The following ZNF451 variants were observed in gnomAD, a reference collection of about 807,000 sequenced individuals.
ZNF451 encodes zinc finger protein 451, also known as E3 SUMO-protein ligase ZNF451.
In ZNF451, 80 loss-of-function variants were observed where a neutral mutation model predicts 107.1. The ratio of observed to expected loss-of-function variants is 0.75; its 90% CI spans 0.62 to 0.90. The LOEUF is 0.90. Among genes scored for constraint, ZNF451 ranks in the 40% least tolerant of loss-of-function variants. The pLI is 0.00. For synonymous variants in ZNF451, 362 were observed against 406.5 expected (o/e 0.89, Z 1.32); for missense variants, 1,107 against 1,236.2 (o/e 0.90, Z 1.57).
At chr6:57,106,890 A>G in intron 3 of ZNF451, 1 of 955,838 alleles carries the variant, frequency 1.0e-6, no homozygotes, top group Non-Finnish European at 1.2e-6. Context: ...TATTGAATGC[A>G]AATCTTTTTA....
At chr6:57,103,478 T>C in intron 3 of ZNF451, 1 of 985,438 alleles carries the variant, frequency 1.0e-6, no homozygotes, top group Non-Finnish European at 1.2e-6. Context: ...AGCAGATACC[T>C]CAATTATATG....
intron 2 of ZNF451, among the ~76,000 whole-genome samples, chr6:57,095,476 G>A (rs1318934963): frequency 6.6e-6 from 1 of 151,620 alleles, no homozygotes; most frequent in Non-Finnish European, 1.5e-5. Context: ...GGGACTACAG[G>A]CACGCACTAC....
At chr6:57,157,001 C>T (rs895562527) in intron 13 of ZNF451, among the ~76,000 whole-genome samples, 1 of 152,206 alleles carries the variant, frequency 6.6e-6, no homozygotes, top group African/African-American at 2.4e-5. Context: ...CAGTTCTTAA[C>T]AGGCCACAGA....
chr6:57,163,512 G>A (rs866532075), intron 14 of ZNF451, among the ~76,000 whole-genome samples: 8 of 117,072 alleles, frequency 6.8e-5, no homozygotes, highest in South Asian at 5.7e-4. Flanking sequence ...GTGCAGTGGC[G>A]CGATCTCAGC....
intron 14 of ZNF451, among the ~76,000 whole-genome samples, chr6:57,163,436 C>CTTT (rs398001706): frequency 0.031 from 925 of 30,324 alleles, 313 homozygotes; most frequent in Middle Eastern, 0.083. Context: ...AATGAATAAA[C>CTTT]TTTTTTTTTT....
At chr6:57,120,172 A>AT (rs1385932843) in intron 3 of ZNF451, among the ~76,000 whole-genome samples, 1 of 152,200 alleles carries the variant, frequency 6.6e-6, no homozygotes, top group African/African-American at 2.4e-5. Flanking sequence ...GCCATACAGT[A>AT]TGCAGCCTTT....
rs1829820309 is a variant in ZNF451 at position 57,105,688 on chromosome 6, T to C, written c.186+6547T>C. ...GGCCTTAAGGCAGCTTTGTTTTCTA[T>C]AGATATGCTCTAGGTTTTCTGATTG... is the stretch of plus-strand genomic sequence containing the variant. On this transcript the variant is annotated intron_variant, in intron 3 of 14. Transcript: ENST00000370706. 1.4e-5 allele frequency: 14 copies of C among 985,432 alleles called. No homozygotes were observed. The South Asian group carries it at 6.6e-4, about 46-fold the overall frequency. 61.0% of individuals were successfully genotyped at this position (985,432 alleles called of 1,614,324 possible). A position where few individuals can be genotyped will look rare whatever the true frequency, so the allele number is the denominator to read the frequency against.
chr6:57,126,005 T>A (rs1313018524), intron 4 of ZNF451, among the ~76,000 whole-genome samples: 1 of 152,174 alleles, frequency 6.6e-6, no homozygotes, highest in Non-Finnish European at 1.5e-5. Flanking sequence ...CAAACTGTCT[T>A]ACTTTCCCTC....
chr6:57,111,076 T>A (rs192679558), intron 3 of ZNF451, among the ~76,000 whole-genome samples: 1 of 151,914 alleles, frequency 6.6e-6, no homozygotes, highest in Admixed American at 6.6e-5. Context: ...CATGCCACCA[T>A]TCCTGGCTAA....
chr6:57,163,652 G>A lies in ZNF451; in HGVS notation c.3139+2500G>A, dbSNP rs373557065. Among the ~76,000 whole-genome samples the A allele has an allele frequency of 5.3e-4, 79 of 150,206 alleles. No individual in the cohort carries two copies. The East Asian group carries it at 0.011, about 21-fold the overall frequency. On this transcript the variant is annotated intron_variant, in intron 14 of 14. Transcript: ENST00000370706. ...TTTTTAGTAGAGACGGGGTTTCACC[G>A]TGTTAGCCAGGATGGTCTCGATCTC...
intron 3 of ZNF451, chr6:57,106,899 T>C (rs1348480667): frequency 1.0e-6 from 1 of 953,684 alleles, no homozygotes; most frequent in Non-Finnish European, 1.2e-6. Context: ...CAAATCTTTT[T>C]ATTATTTTTC....
At chr6:57,131,138 C>T (rs185129894) in intron 5 of ZNF451, among the ~76,000 whole-genome samples, 18 of 152,206 alleles carry the variant, frequency 1.2e-4, no homozygotes, top group Admixed American at 1.0e-3. Context: ...AAATACAGTA[C>T]TCAGCTGTTA....
chr6:57,163,702 G>A (rs1262348008), intron 14 of ZNF451, among the ~76,000 whole-genome samples: 4 of 151,386 alleles, frequency 2.6e-5, no homozygotes, highest in Admixed American at 6.6e-5. Context: ...CGCCTGCCTC[G>A]GCCTCCCAAA....
intron 3 of ZNF451, chr6:57,109,776 A>G: frequency 1.2e-6 from 1 of 867,142 alleles, no homozygotes; most frequent in Non-Finnish European, 1.4e-6. Context: ...AAGAGAATGT[A>G]GAATGAGGAG....
chr6:57,150,897 T>C (rs780994063), intron 11 of ZNF451, 35 bp downstream of exon 11: 32 of 1,611,776 alleles, frequency 2.0e-5, no homozygotes, highest in Non-Finnish European at 2.5e-5. Context: ...GAAAACTTTT[T>C]CCCACCTCTT....
intron 13 of ZNF451, chr6:57,158,780 G>A (rs1169623671): frequency 1.5e-5 from 15 of 985,406 alleles, no homozygotes; most frequent in Non-Finnish European, 1.6e-5. Context: ...GAATCTGTAT[G>A]CTCCTTAGAT....
intron 3 of ZNF451, chr6:57,104,154 C>A: frequency 1.0e-6 from 1 of 985,104 alleles, no homozygotes; most frequent in South Asian, 4.7e-5. Context: ...TGCCAGTGTT[C>A]TCTACAAAGT....
intron 3 of ZNF451, among the ~76,000 whole-genome samples, chr6:57,123,672 G>GA (rs929301156): frequency 1.5e-3 from 216 of 143,018 alleles, no homozygotes; most frequent in African/African-American, 2.8e-3. Context: ...AAATAAAAAT[G>GA]AAAAAAAAAA....
At chr6:57,113,593 T>C (rs929443037) in intron 3 of ZNF451, among the ~76,000 whole-genome samples, 3 of 151,750 alleles carry the variant, frequency 2.0e-5, no homozygotes, top group Non-Finnish European at 2.9e-5. Flanking sequence ...GTAAAAAATA[T>C]ACTCATGGGT....
Sources: gnomAD v4.1 joint callset for allele counts (sites outside exome capture counted in the v4.1 genomes callset) on GRCh38, gnomAD v4.1.1 for gene constraint, MANE v1.5 for transcripts, NCBI Gene and HGNC (gene_info 2026-07-23, HGNC 2026-07-21) for gene names.